The following ACTN1 variants were observed in gnomAD, a reference collection of about 807,000 sequenced individuals.
ACTN1 encodes actinin alpha 1.
Under a neutral mutation model 119.6 loss-of-function variants are expected in ACTN1, and 30 were observed. The ratio of observed to expected loss-of-function variants is 0.25; its 90% CI spans 0.19 to 0.34. ACTN1 has a LOEUF of 0.34. ACTN1 is among the 10% of genes least tolerant of loss of function. The pLI is 1.00. For missense variants in ACTN1, 764 were observed against 1,223.4 expected (o/e 0.62, Z 5.60); for synonymous variants, 429 against 472.6 (o/e 0.91, Z 1.20).
rs1047927509 is a variant in ACTN1, at chr14:68,878,706, A to G, written c.2362-183T>C. On this transcript the variant is annotated intron_variant, in intron 19 of 21. Transcript: ENST00000394419. The surrounding 1 kb of genome is among the most constrained non-coding windows in gnomAD (Gnocchi z 4.4). ...CGAACACACATCGGTGGAAATGTCC[A>G]AAGACAGGAGGAAGACAGAGCAGGG... The G allele has an allele frequency of 2.0e-6, 3 of 1,537,190 alleles. No individual in the cohort carries two copies. The highest frequency in any genetic ancestry group is 2.4e-5 in the East Asian group (1 of 40,832).
chr14:68,885,511 C>G lies in ACTN1; in HGVS notation c.1299G>C (p.Leu433=). 2 of 1,614,146 alleles carry G rather than the reference C, an allele frequency of 1.2e-6. No individual in the cohort carries two copies. Among genetic ancestry groups the G allele is most frequent in the Non-Finnish European group, 1.7e-6 (2 of 1,180,014 alleles). The change falls in exon 12 of 22, where the codon CTG becomes CTC. Residue 433 remains leucine (L), a synonymous_variant. Transcript: ENST00000394419. This position sits in a 1 kb window ranked among gnomAD's most constrained non-coding sequence, Gnocchi z 5.6. Reference sequence around the variant, plus strand: ...TCTCGAAGGCCTCATGCTTCTTGAGCAGGGCCTTGATCTCCGAGAGGGTGG... The same window carrying G: ...TCTCGAAGGCCTCATGCTTCTTGAGGAGGGCCTTGATCTCCGAGAGGGTGG... ...ETATLSEIKA[L]LKKHEAFESD... is the part of the protein sequence containing the mutation.
intron 3 of ACTN1, among the ~76,000 whole-genome samples, chr14:68,919,866 C>T (rs899332037): frequency 6.6e-6 from 1 of 152,204 alleles, no homozygotes; most frequent in African/African-American, 2.4e-5. Context: ...TCCAATATTT[C>T]CAAAAATCCA....
Position 68,879,499 on chromosome 14 carries a change from C to T in ACTN1, c.2281-430G>A, listed in dbSNP as rs926966394. Reference sequence around the variant, plus strand: ...CCCAGGGCACTGGGAAGGGGCAGCCCACTAAAACCCAGCCTGACCCAGAGC... The same window carrying T: ...CCCAGGGCACTGGGAAGGGGCAGCCTACTAAAACCCAGCCTGACCCAGAGC... On this transcript the variant is annotated intron_variant, in intron 18 of 21. Transcript: ENST00000394419. The surrounding 1 kb of genome is among the most constrained non-coding windows in gnomAD (Gnocchi z 4.9). 6.6e-6 allele frequency among the ~76,000 whole-genome samples: 1 copy of T among 152,154 alleles called. No homozygotes were observed. Among genetic ancestry groups the T allele is most frequent in the Non-Finnish European group, 1.5e-5 (1 of 68,008 alleles).
At chr14:68,887,732 T>A in intron 11 of ACTN1, 1 of 1,369,836 alleles carries the variant, frequency 7.3e-7, no homozygotes, top group South Asian at 1.2e-5. Flanking sequence ...AATATTCCTC[T>A]GGATTGTACA....
At chr14:68,958,400 A>G (rs573330889) in intron 1 of ACTN1, among the ~76,000 whole-genome samples, 2 of 152,260 alleles carry the variant, frequency 1.3e-5, no homozygotes, top group South Asian at 4.1e-4. Context: ...AGGTGTGTGC[A>G]CCAGGCCACA....
At chr14:68,971,048 A>T (rs1441741587) in intron 1 of ACTN1, among the ~76,000 whole-genome samples, 1 of 152,240 alleles carries the variant, frequency 6.6e-6, no homozygotes, top group African/African-American at 2.4e-5. Context: ...TCTTATTTCA[A>T]TTCCATATAA....
intron 1 of ACTN1, among the ~76,000 whole-genome samples, chr14:68,959,754 C>T (rs941734224): frequency 6.6e-6 from 1 of 152,146 alleles, no homozygotes; most frequent in Non-Finnish European, 1.5e-5. Flanking sequence ...AGGGTACAAA[C>T]CTTCCATCAG....
In ACTN1 at chr14:68,893,914, T is replaced by C. The variant is rs12050161; in HGVS notation, c.763-167A>G. Among the ~76,000 whole-genome samples the C allele has an allele frequency of 0.19, 28,557 of 151,870 alleles. 2,853 individuals carry two copies. Among genetic ancestry groups the C allele is most frequent in the Middle Eastern group, 0.26 (77 of 294 alleles). On this transcript the variant is annotated intron_variant, in intron 8 of 21. Transcript: ENST00000394419. ...CCTCCTCTCTCCTTACCATCCTCCTTGCCAGCCCATGGCCAGGTCCCATGG... is the reference window on the plus strand; with the variant it reads ...CCTCCTCTCTCCTTACCATCCTCCTCGCCAGCCCATGGCCAGGTCCCATGG...
rs142151023 is a variant in ACTN1 at position 68,882,957 on chromosome 14, A to G, written c.1734T>C (p.Ile578=). The change falls in exon 15 of 22, where the codon ATT becomes ATC. Residue 578 remains isoleucine (I), a synonymous_variant. Coordinates refer to ENST00000394419, the MANE Select transcript of ACTN1 (RefSeq NM_001130004.2). This position sits in a 1 kb window ranked among gnomAD's most constrained non-coding sequence, Gnocchi z 4.5. ...ILGIHNEVSK[I]VQTYHVNMAG... ...CCATATTGACGTGGTAGGTCTGGACAATCTTGGACACCTCATTGTGGATGC... is the reference window on the plus strand; with the variant it reads ...CCATATTGACGTGGTAGGTCTGGACGATCTTGGACACCTCATTGTGGATGC... The G allele has an allele frequency of 2.1e-5, 34 of 1,614,092 alleles. No individual in the cohort carries two copies. In the African/African-American group the frequency reaches 4.5e-4, roughly 22 times the overall value.
chr14:68,902,692 C>G (rs899818805), intron 7 of ACTN1, 130 bp from the exon 8 acceptor site: 6 of 720,640 alleles, frequency 8.3e-6, no homozygotes, highest in African/African-American at 5.4e-5. Context: ...ATCTAACCAG[C>G]CTCTGGCGTC....
intron 1 of ACTN1, among the ~76,000 whole-genome samples, chr14:68,951,685 G>A (rs12434352): frequency 2.6e-5 from 4 of 152,208 alleles, no homozygotes; most frequent in Admixed American, 2.6e-4. Context: ...CTGGGACTGA[G>A]GAAGGCCTGG....
intron 1 of ACTN1, among the ~76,000 whole-genome samples, chr14:68,956,890 G>C (rs867966671): frequency 6.6e-6 from 1 of 152,088 alleles, no homozygotes; most frequent in South Asian, 2.1e-4. Flanking sequence ...AAAGCGGGTA[G>C]AGTGTCTAAC....
chr14:68,897,509 C>T (rs926743023), intron 8 of ACTN1, among the ~76,000 whole-genome samples: 1 of 152,218 alleles, frequency 6.6e-6, no homozygotes, highest in African/African-American at 2.4e-5. Flanking sequence ...GATACAGGCA[C>T]AGTCTAGAGA....
intron 8 of ACTN1, among the ~76,000 whole-genome samples, chr14:68,901,693 C>T (rs2033346859): frequency 6.6e-6 from 1 of 151,938 alleles, no homozygotes; most frequent in Non-Finnish European, 1.5e-5. Flanking sequence ...GTGTATGCTG[C>T]CTAAGCCTGG....
chr14:68,920,873 T>C (rs1475093887), intron 3 of ACTN1, 133 bp downstream of exon 3: 3 of 1,245,020 alleles, frequency 2.4e-6, no homozygotes, highest in Admixed American at 4.6e-5. Flanking sequence ...GGCGACCAGA[T>C]GGAGGTGCTG....
At chr14:68,955,390 G>A (rs551889720) in intron 1 of ACTN1, among the ~76,000 whole-genome samples, 3 of 152,282 alleles carry the variant, frequency 2.0e-5, no homozygotes, top group East Asian at 3.9e-4. Flanking sequence ...GGCGCTCACC[G>A]TGTCTAGAGC....
At position 68,925,458 on chromosome 14, in the gene ACTN1, C is replaced by G; in HGVS notation, c.220+100G>C. 1.1e-6 allele frequency: 1 copy of G among 879,068 alleles called. No homozygotes were observed. Among genetic ancestry groups the G allele is most frequent in the Non-Finnish European group, 1.7e-6 (1 of 603,838 alleles). The allele number at this position is 879,068 out of a possible 1,614,324, so 54.5% of individuals were successfully genotyped here. On this transcript the variant is annotated intron_variant, in intron 2 of 21. Coordinates refer to ENST00000394419, the MANE Select transcript of ACTN1 (RefSeq NM_001130004.2). This position sits in a 1 kb window ranked among gnomAD's most constrained non-coding sequence, Gnocchi z 4.3. The stretch of plus-strand genomic sequence containing the variant: ...CATACATGTCATCCCCAACTTGTTT[C>G]AAGAGACCAAAACCAGCTGCGCTCA...
rs562792371 is a variant in ACTN1, at chr14:68,882,872, C to T, written c.1818+1G>A. Reference sequence around the variant, plus strand: ...GGCTCGGCCCATGCCCTTCAACTCACGTGGTCCCATTTGCCATTGATCTCC... The same window carrying T: ...GGCTCGGCCCATGCCCTTCAACTCATGTGGTCCCATTTGCCATTGATCTCC... On this transcript the variant is annotated splice_donor_variant, in intron 15 of 21. Coordinates refer to ENST00000394419, the MANE Select transcript of ACTN1 (RefSeq NM_001130004.2). LOFTEE classifies it high-confidence loss of function. The surrounding 1 kb of genome is among the most constrained non-coding windows in gnomAD (Gnocchi z 4.5). The T allele has an allele frequency of 3.7e-6, 6 of 1,614,032 alleles. No individual in the cohort carries two copies. The highest frequency in any genetic ancestry group is 2.5e-6 in the Non-Finnish European group (3 of 1,179,900).
At chr14:68,965,757 T>C (rs975726532) in intron 1 of ACTN1, among the ~76,000 whole-genome samples, 9 of 152,188 alleles carry the variant, frequency 5.9e-5, no homozygotes, top group African/African-American at 1.9e-4. Context: ...GGTCTGTCTA[T>C]AAAGGAAGCA....
Sources: allele counts gnomAD v4.1 joint callset (sites outside exome capture counted in the v4.1 genomes callset), GRCh38; gene constraint gnomAD v4.1.1; non-coding constraint Gnocchi (gnomAD v3.1); transcripts MANE v1.5; gene names NCBI Gene and HGNC (gene_info 2026-07-23, HGNC 2026-07-21).